The following CTNNA2 variants were observed in gnomAD, a reference collection of about 807,000 sequenced individuals.
CTNNA2 encodes the protein catenin alpha-2.
CTNNA2 carries 42 observed loss-of-function variants against 101.0 expected under a neutral mutation model. The ratio of observed to expected loss-of-function variants is 0.42; its 90% CI spans 0.32 to 0.54. The LOEUF (loss-of-function observed/expected upper bound fraction) is 0.54, where lower values mean the gene tolerates loss of function less well. Among genes scored for constraint, CTNNA2 ranks in the 20% least tolerant of loss-of-function variants. The pLI is 0.14. For synonymous variants in CTNNA2, 450 were observed against 456.4 expected (o/e 0.99, Z 0.18); for missense variants, 871 against 1,223.1 (o/e 0.71, Z 4.29).
At chr2:80,028,432 G>A (rs1695080020) in intron 7 of CTNNA2, 1 of 152,192 alleles carries the variant, frequency 6.6e-6, no homozygotes, top group Admixed American at 6.5e-5. Context: ...AACATGGAGA[G>A]CTTTTAGAGC....
At chr2:79,646,054 G>T (rs1680791469) in intron 1 of CTNNA2, among the ~76,000 whole-genome samples, 1 of 152,192 alleles carries the variant, frequency 6.6e-6, no homozygotes, top group Admixed American at 6.5e-5. Context: ...AAACAGGTTT[G>T]GGTGGTCCCC....
At chr2:80,437,482 T>C (rs1682146779) in intron 9 of CTNNA2, among the ~76,000 whole-genome samples, 1 of 152,226 alleles carries the variant, frequency 6.6e-6, no homozygotes, top group Admixed American at 6.5e-5. Flanking sequence ...TCATATGTCA[T>C]GGTAGTCAGC....
chr2:79,255,364 C>G (rs1674830415), intron 2 of CTNNA2, among the ~76,000 whole-genome samples: 1 of 152,148 alleles, frequency 6.6e-6, no homozygotes, highest in Non-Finnish European at 1.5e-5. Context: ...GATTCCAATT[C>G]AGAGCTCCCA....
intron 12 of CTNNA2, among the ~76,000 whole-genome samples, chr2:80,563,726 T>C (rs954085083): frequency 6.6e-6 from 1 of 152,152 alleles, no homozygotes; most frequent in Non-Finnish European, 1.5e-5. Context: ...CTACCTGATT[T>C]CTTCCTTGTC....
intron 12 of CTNNA2, among the ~76,000 whole-genome samples, chr2:80,567,532 C>A (rs1383862521): frequency 1.3e-5 from 2 of 151,996 alleles, no homozygotes; most frequent in Non-Finnish European, 2.9e-5. Flanking sequence ...CCCTTTTTTC[C>A]TCTCTTCTGT....
chr2:80,582,202 A>G (rs771435538), intron 14 of CTNNA2, among the ~76,000 whole-genome samples: 1 of 152,164 alleles, frequency 6.6e-6, no homozygotes, highest in Non-Finnish European at 1.5e-5. Flanking sequence ...GCTTGTCAAC[A>G]CAAGAGGCAA....
chr2:80,368,901 G>A (rs1022400885), intron 7 of CTNNA2, among the ~76,000 whole-genome samples: 1 of 148,580 alleles, frequency 6.7e-6, no homozygotes, highest in African/African-American at 2.5e-5. Context: ...CGCTAGGCTA[G>A]TGGGTAGGAA....
chr2:79,259,350 A>G (rs908729350), intron 2 of CTNNA2, among the ~76,000 whole-genome samples: 1 of 152,208 alleles, frequency 6.6e-6, no homozygotes, highest in Non-Finnish European at 1.5e-5. Flanking sequence ...CTGAGCTACA[A>G]GAATAAAGCT....
At chr2:80,412,597 T>C (rs1395921839) in intron 8 of CTNNA2, among the ~76,000 whole-genome samples, 1 of 152,222 alleles carries the variant, frequency 6.6e-6, no homozygotes. Context: ...ACTTATTCTA[T>C]GTATGTCATC....
At chr2:79,459,320 A>G (rs996415838) in intron 4 of CTNNA2, among the ~76,000 whole-genome samples, 1 of 152,152 alleles carries the variant, frequency 6.6e-6, no homozygotes, top group African/African-American at 2.4e-5. Flanking sequence ...ATTATTACGA[A>G]CATACAGACA....
At position 80,118,867 on chromosome 2, in the gene CTNNA2, G is replaced by A. The variant is rs181477523; in HGVS notation, c.1056+209070G>A. Among the ~76,000 whole-genome samples the A allele has an allele frequency of 2.1e-3, 320 of 152,354 alleles. 2 individuals are homozygous for A. The highest frequency in any genetic ancestry group is 6.9e-3 in the African/African-American group (288 of 41,578). ...TCCAGGCCTGATGTGAGTGCACTGG[G>A]AAGACATCTCTATTCTTAGCCTTTA... On this transcript the variant is annotated intron_variant, in intron 7 of 18. Transcript: ENST00000402739.
intron 7 of CTNNA2, among the ~76,000 whole-genome samples, chr2:79,945,285 C>T (rs751464499): frequency 6.6e-6 from 1 of 152,166 alleles, no homozygotes; most frequent in Non-Finnish European, 1.5e-5. Flanking sequence ...AAGCAATCCT[C>T]CCGCCTTGAC....
At chr2:80,146,899 T>C (rs1003939297) in intron 7 of CTNNA2, among the ~76,000 whole-genome samples, 1 of 149,992 alleles carries the variant, frequency 6.7e-6, no homozygotes, top group African/African-American at 2.4e-5. Flanking sequence ...ATTACAGGTT[T>C]CCACCACCAC....
intron 9 of CTNNA2, among the ~76,000 whole-genome samples, chr2:80,532,088 G>A (rs1690592965): frequency 6.6e-6 from 1 of 152,114 alleles, no homozygotes. Context: ...AGGAAGAAAA[G>A]ACCAAAGAAC....
rs1679951016 is a variant in CTNNA2 at position 80,415,391 on chromosome 2, C to G, written c.1138-4058C>G. ...TCAGGGTGCCTGGAGTCAGCCCTTT[C>G]TCCATGAAGCTCTGTTTTTTTTGTT... On this transcript the variant is annotated intron_variant, in intron 8 of 18. Transcript: ENST00000402739. Among the ~76,000 whole-genome samples, 5 of 152,108 alleles carry G rather than the reference C, an allele frequency of 3.3e-5. 1 individual carries two copies. Among genetic ancestry groups the G allele is most frequent in the Admixed American group, 3.3e-4 (5 of 15,258 alleles).
chr2:79,828,763 A>G (rs1678637926), intron 3 of CTNNA2, among the ~76,000 whole-genome samples: 1 of 152,248 alleles, frequency 6.6e-6, no homozygotes, highest in African/African-American at 2.4e-5. Flanking sequence ...AACTAACAAC[A>G]TCAGCATCAC....
At chr2:79,836,247 T>G (rs972332095) in intron 3 of CTNNA2, among the ~76,000 whole-genome samples, 3 of 152,180 alleles carry the variant, frequency 2.0e-5, no homozygotes, top group Admixed American at 6.5e-5. Context: ...CTATGTTTAG[T>G]TCAGCAGTCA....
chr2:80,409,797 A>G (rs896091206), intron 8 of CTNNA2, among the ~76,000 whole-genome samples: 1 of 152,196 alleles, frequency 6.6e-6, no homozygotes, highest in African/African-American at 2.4e-5. Context: ...TTGGCATAAC[A>G]CTTAAAAATC....
intron 4 of CTNNA2, among the ~76,000 whole-genome samples, chr2:79,438,827 T>C (rs1678747028): frequency 6.6e-6 from 1 of 152,210 alleles, no homozygotes; most frequent in South Asian, 2.1e-4. Context: ...ATGCTCAGTA[T>C]CATTAGTCTT....
Sources: allele counts gnomAD v4.1 joint callset (sites outside exome capture counted in the v4.1 genomes callset), GRCh38; gene constraint gnomAD v4.1.1; transcripts MANE v1.5; gene names NCBI Gene and HGNC (gene_info 2026-07-23, HGNC 2026-07-21).